Variants in TGFA observed in about 807,000 individuals in gnomAD.
The protein encoded by TGFA is protransforming growth factor alpha.
TGFA carries 12 observed loss-of-function variants against 21.7 expected under a neutral mutation model. The ratio of observed to expected loss-of-function variants is 0.55; its 90% CI spans 0.35 to 0.90. TGFA has a LOEUF of 0.90. TGFA is among the 40% of genes least tolerant of loss of function. The probability of loss-of-function intolerance (pLI) is 0.01; values close to 1 mark genes in which losing one functional copy is unlikely to be tolerated. For synonymous variants in TGFA, 79 were observed against 88.1 expected (o/e 0.90, Z 0.58); for missense variants, 178 against 210.8 (o/e 0.84, Z 0.96).
chr2:70,478,822 GATC>G (rs1336906798), intron 2 of TGFA, among the ~76,000 whole-genome samples: 3 of 152,100 alleles, frequency 2.0e-5, no homozygotes, highest in African/African-American at 7.2e-5. Flanking sequence ...TTGTATAAAA[GATC>G]ATGTTTCTTT....
At chr2:70,533,557 A>T (rs1553503990) in intron 1 of TGFA, among the ~76,000 whole-genome samples, 1 of 152,218 alleles carries the variant, frequency 6.6e-6, no homozygotes, top group Non-Finnish European at 1.5e-5. Context: ...GAGATAGGTT[A>T]GTTTCTTGGC....
chr2:70,503,412 C>A lies in TGFA; in HGVS notation c.94+11447G>T, dbSNP rs558818881. Among the ~76,000 whole-genome samples, 8 of 93,444 alleles carry A rather than the reference C, an allele frequency of 8.6e-5. No individual in the cohort carries two copies. In the East Asian group the frequency reaches 2.9e-3, roughly 33 times the overall value. The allele number at this position is 93,444 out of a possible 152,430, so 61.3% of individuals were successfully genotyped here. A position where few individuals can be genotyped will look rare whatever the true frequency, so the allele number is the denominator to read the frequency against. On this transcript the variant is annotated intron_variant, in intron 2 of 5. Coordinates refer to ENST00000295400, the MANE Select transcript of TGFA (RefSeq NM_003236.4). ...ACACAGGAAGGGGAACATCACACAC[C>A]GGGGCCTGTTGTGAGGTGGGGGGAG...
At chr2:70,480,954 A>G (rs1017866134) in intron 2 of TGFA, among the ~76,000 whole-genome samples, 7 of 152,130 alleles carry the variant, frequency 4.6e-5, no homozygotes, top group Admixed American at 4.6e-4. Context: ...CTAAGTGTAA[A>G]TCAAGCAACT....
chr2:70,460,937 TA>T (rs1670388517), intron 3 of TGFA, among the ~76,000 whole-genome samples: 1 of 152,204 alleles, frequency 6.6e-6, no homozygotes. Flanking sequence ...ATTACATCCT[TA>T]AAATGTGGCT....
chr2:70,460,382 T>TTAA (rs71398907), intron 3 of TGFA, among the ~76,000 whole-genome samples: 4 of 150,862 alleles, frequency 2.7e-5, no homozygotes, highest in East Asian at 3.9e-4. Context: ...ATACTTTTTT[T>TTAA]AAAAAAAAAA....
intron 1 of TGFA, among the ~76,000 whole-genome samples, chr2:70,530,930 C>G (rs530529808): frequency 2.6e-5 from 4 of 152,242 alleles, no homozygotes; most frequent in African/African-American, 9.6e-5. Flanking sequence ...ACCTCTGCAG[C>G]AATCCCTGAG....
chr2:70,501,551 C>CT (rs1671738400), intron 2 of TGFA, among the ~76,000 whole-genome samples: 1 of 152,100 alleles, frequency 6.6e-6, no homozygotes, highest in Non-Finnish European at 1.5e-5. Context: ...CCAAAGAGCC[C>CT]TTCAGTATAA....
intron 2 of TGFA, among the ~76,000 whole-genome samples, chr2:70,509,904 GT>G (rs1364003869): frequency 1.3e-5 from 2 of 152,194 alleles, no homozygotes; most frequent in Non-Finnish European, 2.9e-5. Context: ...GCATTTAAAA[GT>G]GTCTTTTGAA....
At chr2:70,494,762 G>A (rs529937556) in intron 2 of TGFA, among the ~76,000 whole-genome samples, 7 of 152,120 alleles carry the variant, frequency 4.6e-5, no homozygotes, top group Non-Finnish European at 8.8e-5. Context: ...TTTATTGGCC[G>A]TATGTAGTTT....
chr2:70,520,769 G>C (rs1178017866), intron 1 of TGFA, among the ~76,000 whole-genome samples: 1 of 152,034 alleles, frequency 6.6e-6, no homozygotes, highest in Admixed American at 6.6e-5. Context: ...TATTCCCATA[G>C]ATGCTTCCCC....
intron 2 of TGFA, among the ~76,000 whole-genome samples, chr2:70,498,904 C>A (rs937039143): frequency 1.3e-5 from 2 of 152,090 alleles, no homozygotes; most frequent in Admixed American, 1.3e-4. Context: ...GTTTTCAACC[C>A]TGGCTGCATA....
chr2:70,535,500 T>C (rs1382733709), intron 1 of TGFA, among the ~76,000 whole-genome samples: 1 of 152,210 alleles, frequency 6.6e-6, no homozygotes, highest in Non-Finnish European at 1.5e-5. Flanking sequence ...AAGCATTAAG[T>C]AAAGAAAGTA....
chr2:70,528,159 C>G (rs1553503169), intron 1 of TGFA, among the ~76,000 whole-genome samples: 1 of 152,198 alleles, frequency 6.6e-6, no homozygotes, highest in Non-Finnish European at 1.5e-5. Flanking sequence ...TGTTGAAGGG[C>G]TATGTTCAGT....
At chr2:70,498,417 C>T (rs1378989769) in intron 2 of TGFA, among the ~76,000 whole-genome samples, 1 of 152,150 alleles carries the variant, frequency 6.6e-6, no homozygotes, top group Non-Finnish European at 1.5e-5. Context: ...TGCAGAGGAC[C>T]AGAGGTTTGA....
intron 1 of TGFA, among the ~76,000 whole-genome samples, chr2:70,549,344 T>C (rs1673415037): frequency 6.6e-6 from 1 of 152,180 alleles, no homozygotes; most frequent in Non-Finnish European, 1.5e-5. Context: ...TGCAATTGGT[T>C]AAGCCAAAAG....
chr2:70,479,437 A>G (rs1036376153), intron 2 of TGFA, among the ~76,000 whole-genome samples: 9 of 152,124 alleles, frequency 5.9e-5, no homozygotes, highest in Admixed American at 5.2e-4. Flanking sequence ...ACCTGCTTTT[A>G]TTTTCACTTC....
intron 2 of TGFA, among the ~76,000 whole-genome samples, chr2:70,476,562 A>C (rs1381535804): frequency 6.6e-6 from 1 of 152,220 alleles, no homozygotes; most frequent in Non-Finnish European, 1.5e-5. Flanking sequence ...TTAGGAAAAA[A>C]TGCTTCCTCT....
At chr2:70,456,925 G>T (rs1444211924) in intron 3 of TGFA, among the ~76,000 whole-genome samples, 3 of 152,210 alleles carry the variant, frequency 2.0e-5, no homozygotes, top group African/African-American at 7.2e-5. Flanking sequence ...TTGGCTTGTG[G>T]TTTGCCTTTT....
At chr2:70,518,978 T>C (rs1475730495) in intron 1 of TGFA, among the ~76,000 whole-genome samples, 3 of 152,128 alleles carry the variant, frequency 2.0e-5, no homozygotes, top group Non-Finnish European at 4.4e-5. Flanking sequence ...GAAGGGTAAG[T>C]TTTTGTTTTC....
Sources: gnomAD v4.1 joint callset for allele counts (sites outside exome capture counted in the v4.1 genomes callset) on GRCh38, gnomAD v4.1.1 for gene constraint, MANE v1.5 for transcripts, NCBI Gene and HGNC (gene_info 2026-07-23, HGNC 2026-07-21) for gene names.